The following SH3BGRL2 variants were observed in gnomAD, a reference collection of about 807,000 sequenced individuals.
SH3BGRL2 encodes SH3 domain binding glutamate rich protein like 2.
SH3BGRL2 carries 21 observed loss-of-function variants against 14.8 expected under a neutral mutation model. That is an observed-to-expected ratio of 1.42 (90% CI 1.01 to 2.05). The LOEUF is 2.05. SH3BGRL2 is among the 30% of genes most tolerant of loss of function. SH3BGRL2 has a pLI of 0.00. For missense variants in SH3BGRL2, 147 were observed against 130.8 expected (o/e 1.12, Z -0.61); for synonymous variants, 50 against 47.8 (o/e 1.05, Z -0.19).
the SH3BGRL2 span, among the ~76,000 whole-genome samples, chr6:79,611,087 A>G: frequency 6.6e-6 from 1 of 152,188 alleles, no homozygotes; most frequent in Non-Finnish European, 1.5e-5. Flanking sequence ...TATTATTTTT[A>G]TATATCAGCT....
the SH3BGRL2 span, among the ~76,000 whole-genome samples, chr6:79,546,928 C>T: frequency 6.6e-6 from 1 of 152,138 alleles, no homozygotes; most frequent in African/African-American, 2.4e-5. Flanking sequence ...GATCCGCCTG[C>T]CTCAGCCTCC....
chr6:79,692,514 A>G (rs1315492317), intron 2 of SH3BGRL2, among the ~76,000 whole-genome samples: 2 of 152,168 alleles, frequency 1.3e-5, no homozygotes, highest in Non-Finnish European at 2.9e-5. Context: ...TCTTTAATCC[A>G]TCTTGAATTA....
chr6:79,667,907 C>T (rs1300204392), intron 1 of SH3BGRL2, among the ~76,000 whole-genome samples: 1 of 152,068 alleles, frequency 6.6e-6, no homozygotes, highest in South Asian at 2.1e-4. Context: ...CCACCTCCCC[C>T]CAGTTTTCCT....
At chr6:79,660,312 C>A (rs1005421924) in intron 1 of SH3BGRL2, among the ~76,000 whole-genome samples, 1 of 152,156 alleles carries the variant, frequency 6.6e-6, no homozygotes, top group African/African-American at 2.4e-5. Flanking sequence ...GAGATACATT[C>A]CATCAATACC....
At chr6:79,612,342 A>C in the SH3BGRL2 span, among the ~76,000 whole-genome samples, 3 of 152,174 alleles carry the variant, frequency 2.0e-5, no homozygotes, top group African/African-American at 7.2e-5. Flanking sequence ...CATCCATGGG[A>C]GAGAACAAAC....
chr6:79,616,004 C>G, the SH3BGRL2 span, among the ~76,000 whole-genome samples: 4 of 151,950 alleles, frequency 2.6e-5, no homozygotes, highest in African/African-American at 9.7e-5. Flanking sequence ...TTTGTAGAGA[C>G]AGGGTTTCTC....
the SH3BGRL2 span, among the ~76,000 whole-genome samples, chr6:79,558,936 G>A: frequency 6.6e-6 from 1 of 152,126 alleles, no homozygotes; most frequent in Non-Finnish European, 1.5e-5. Context: ...GAAGGAGGTG[G>A]TGGAGATAGA....
chr6:79,583,551 T>A, the SH3BGRL2 span, among the ~76,000 whole-genome samples: 2 of 152,184 alleles, frequency 1.3e-5, no homozygotes, highest in Non-Finnish European at 2.9e-5. Context: ...AAACACTGCA[T>A]GTTCTCACTC....
At chr6:79,560,126 T>C in the SH3BGRL2 span, among the ~76,000 whole-genome samples, 1 of 152,150 alleles carries the variant, frequency 6.6e-6, no homozygotes, top group Non-Finnish European at 1.5e-5. Flanking sequence ...TACACCATTC[T>C]GGGAAACTGA....
At chr6:79,641,856 A>G (rs1769039685) in intron 1 of SH3BGRL2, among the ~76,000 whole-genome samples, 1 of 152,218 alleles carries the variant, frequency 6.6e-6, no homozygotes, top group Non-Finnish European at 1.5e-5. Flanking sequence ...GCATACAGGT[A>G]TAATTTTAGG....
At chr6:79,636,629 T>G (rs1448852121) in intron 1 of SH3BGRL2, among the ~76,000 whole-genome samples, 2 of 152,216 alleles carry the variant, frequency 1.3e-5, no homozygotes, top group African/African-American at 4.8e-5. Context: ...TTCTGGAAGC[T>G]GGAAGCCTGA....
intron 2 of SH3BGRL2, among the ~76,000 whole-genome samples, chr6:79,685,615 A>G (rs530024520): frequency 1.3e-5 from 2 of 152,180 alleles, no homozygotes; most frequent in African/African-American, 2.4e-5. Context: ...ACATACACAC[A>G]TGAATTGCTA....
At chr6:79,632,824 T>G (rs941654916) in intron 1 of SH3BGRL2, among the ~76,000 whole-genome samples, 4 of 152,250 alleles carry the variant, frequency 2.6e-5, no homozygotes, top group Non-Finnish European at 5.9e-5. Flanking sequence ...TTCATGTGTT[T>G]GCAAACTGGC....
chr6:79,562,978 CAG>C, the SH3BGRL2 span, among the ~76,000 whole-genome samples: 2 of 152,250 alleles, frequency 1.3e-5, no homozygotes, highest in South Asian at 2.1e-4. Flanking sequence ...TTTTTTGAGA[CAG>C]AGTCTCGCTC....
At chr6:79,559,340 G>T in the SH3BGRL2 span, among the ~76,000 whole-genome samples, 1 of 152,072 alleles carries the variant, frequency 6.6e-6, no homozygotes, top group Admixed American at 6.6e-5. Flanking sequence ...CACGGTGGTT[G>T]GTGAGACAGG....
chr6:79,699,710 T>C lies in SH3BGRL2; in HGVS notation c.*201T>C, dbSNP rs1458477611. On this transcript the variant is annotated 3_prime_UTR_variant, in exon 4 of 4. Coordinates refer to ENST00000369838, the MANE Select transcript of SH3BGRL2 (RefSeq NM_031469.4). ...TTAAACCAAATCAGGTGGTGGATTT[T>C]TTTTTTCTTATTCTATTTGCCTGCA... 3 of 672,210 alleles carry C rather than the reference T, an allele frequency of 4.5e-6. No individual in the cohort carries two copies. The highest frequency in any genetic ancestry group is 6.7e-6 in the Non-Finnish European group (3 of 449,690). The allele number at this position is 672,210 out of a possible 1,614,324, so 41.6% of individuals were successfully genotyped here.
the SH3BGRL2 span, among the ~76,000 whole-genome samples, chr6:79,620,622 G>A: frequency 2.0e-5 from 3 of 151,870 alleles, no homozygotes; most frequent in Non-Finnish European, 4.4e-5. Context: ...CTGAAAAAAA[G>A]GGGAAGGGGT....
At chr6:79,635,925 A>C (rs766090956) in intron 1 of SH3BGRL2, among the ~76,000 whole-genome samples, 4 of 152,216 alleles carry the variant, frequency 2.6e-5, no homozygotes, top group Admixed American at 1.3e-4. Flanking sequence ...GAATGTATTC[A>C]GTGAGGCTTC....
the SH3BGRL2 span, among the ~76,000 whole-genome samples, chr6:79,614,451 C>G: frequency 6.6e-6 from 1 of 152,162 alleles, no homozygotes; most frequent in Non-Finnish European, 1.5e-5. Context: ...AGAGAGTACA[C>G]TGCGGACCCT....
Sources: gnomAD v4.1 joint callset for allele counts (sites outside exome capture counted in the v4.1 genomes callset) on GRCh38, gnomAD v4.1.1 for gene constraint, MANE v1.5 for transcripts, NCBI Gene and HGNC (gene_info 2026-07-23, HGNC 2026-07-21) for gene names.